TECRL: variants seen among roughly 807,000 people sequenced by gnomAD.
TECRL encodes the protein trans-2,3-enoyl-CoA reductase like, also known as trans-2,3-enoyl-CoA reductase-like.
TECRL carries 63 observed loss-of-function variants against 52.8 expected under a neutral mutation model. The observed-to-expected ratio is 1.19, with a 90% confidence interval of 0.97 to 1.47. The LOEUF (loss-of-function observed/expected upper bound fraction) is 1.47. Ranked by LOEUF, TECRL falls within the 40% of genes most tolerant of loss-of-function variation. The pLI is 0.00. For missense variants in TECRL, 482 were observed against 429.6 expected, an observed-to-expected ratio of 1.12 and a Z score of -1.08; for synonymous variants, 164 against 141.9, an observed-to-expected ratio of 1.16 and a Z score of -1.10.
intron 2 of TECRL, among the ~76,000 whole-genome samples, chr4:64,332,570 A>G (rs1018470364): frequency 6.6e-6 from 1 of 152,224 alleles, no homozygotes; most frequent in African/African-American, 2.4e-5. Flanking sequence ...GGTATTATAG[A>G]GATTCACCAA....
intron 1 of TECRL, among the ~76,000 whole-genome samples, chr4:64,391,576 CTCA>C (rs1028509549): frequency 3.3e-5 from 5 of 151,774 alleles, no homozygotes; most frequent in African/African-American, 1.2e-4. Flanking sequence ...TCTAAGAAAT[CTCA>C]TCATTCTTTT....
intron 2 of TECRL, among the ~76,000 whole-genome samples, chr4:64,344,613 AGTGTAATTTAAAATTAAG>A (rs979699870): frequency 1.3e-5 from 2 of 152,198 alleles, no homozygotes; most frequent in Non-Finnish European, 2.9e-5. Flanking sequence ...TTTAAAACAA[AGTGTAATTTAAAATTAAG>A]GTGTAATTTA....
intron 6 of TECRL, among the ~76,000 whole-genome samples, chr4:64,309,230 T>G (rs1338133153): frequency 6.6e-6 from 1 of 152,196 alleles, no homozygotes; most frequent in African/African-American, 2.4e-5. Context: ...CAGGACACTT[T>G]TTTTACAGAC....
chr4:64,355,726 C>T (rs1239607301), intron 2 of TECRL, among the ~76,000 whole-genome samples: 4 of 147,656 alleles, frequency 2.7e-5, no homozygotes, highest in Non-Finnish European at 4.5e-5. Flanking sequence ...AGCTGGGAGG[C>T]GGAGCTTGCA....
intron 4 of TECRL, among the ~76,000 whole-genome samples, chr4:64,320,603 GTGT>G (rs935555025): frequency 2.0e-5 from 3 of 151,974 alleles, no homozygotes; most frequent in African/African-American, 7.2e-5. Context: ...CCACTATAGT[GTGT>G]TTTCTTCTCA....
chr4:64,325,478 T>C (rs1334408425), intron 3 of TECRL, among the ~76,000 whole-genome samples: 3 of 152,168 alleles, frequency 2.0e-5, no homozygotes, highest in South Asian at 2.1e-4. Flanking sequence ...TCCAGTCTTA[T>C]ACAATCCTAA....
chr4:64,335,378 C>A (rs1025843293), intron 2 of TECRL, among the ~76,000 whole-genome samples: 6 of 152,204 alleles, frequency 3.9e-5, no homozygotes, highest in Admixed American at 1.3e-4. Flanking sequence ...TATCTCCTAT[C>A]ACCCCAAGAG....
At position 64,345,921 on chromosome 4, in the gene TECRL, A is replaced by C. The variant is rs972106781; in HGVS notation, c.287-17365T>G. Among the ~76,000 whole-genome samples the C allele has an allele frequency of 4.8e-5, 7 of 145,242 alleles. 1 individual carries two copies. Among genetic ancestry groups the C allele is most frequent in the African/African-American group, 1.8e-4 (7 of 39,466 alleles). ...TGCCTCAACAGCAAAAAAAAAAAAA[A>C]AAAAAAAAAACATTTATCATATCCC... On this transcript the variant is annotated intron_variant, in intron 2 of 11. Transcript: ENST00000381210.
intron 1 of TECRL, among the ~76,000 whole-genome samples, chr4:64,391,285 T>C (rs1723529145): frequency 6.6e-6 from 1 of 151,860 alleles, no homozygotes; most frequent in African/African-American, 2.4e-5. Flanking sequence ...GTCAAGGAAG[T>C]TGATCTCACT....
In TECRL at chr4:64,300,957, C is replaced by T. The variant is rs562788926; in HGVS notation, c.731-940G>A. Among the ~76,000 whole-genome samples the T allele has an allele frequency of 4.6e-5, 7 of 150,806 alleles. No homozygotes were observed. In the East Asian group the frequency reaches 5.8e-4, roughly 13 times the overall value. On this transcript the variant is annotated intron_variant, in intron 7 of 11. Transcript: ENST00000381210. ...AATAATACTGCTTTGAACATCTTTA[C>T]GTATAAATCTTTTACTAAATTTTGT...
rs1196275780 is a variant in TECRL at position 64,372,215 on chromosome 4, G to A, written c.286+2957C>T. On this transcript the variant is annotated intron_variant, in intron 2 of 11. Coordinates refer to ENST00000381210, the MANE Select transcript of TECRL (RefSeq NM_001010874.5). Reference sequence around the variant, plus strand: ...GCAAACAAGAACAATAATTACAAGTGTTAAGAAACAAATAGATCAAGATAA... The same window carrying A: ...GCAAACAAGAACAATAATTACAAGTATTAAGAAACAAATAGATCAAGATAA... Among the ~76,000 whole-genome samples, 3 of 151,750 alleles carry A rather than the reference G, an allele frequency of 2.0e-5. No individual in the cohort carries two copies. In the Admixed American group the frequency reaches 2.0e-4, roughly 10 times the overall value.
At chr4:64,373,270 CTATT>C (rs918690129) in intron 2 of TECRL, among the ~76,000 whole-genome samples, 21 of 150,708 alleles carry the variant, frequency 1.4e-4, no homozygotes, top group East Asian at 3.9e-4. Flanking sequence ...AAAAAAGTCA[CTATT>C]TAAGTAAAGC....
chr4:64,367,256 G>A lies in TECRL; in HGVS notation c.286+7916C>T, dbSNP rs977800466. ...CTTGAGGGTGGAGGTTTGAAGGAGG[G>A]TGAGGGTCAGAAAACTACCTATTCG... On this transcript the variant is annotated intron_variant, in intron 2 of 11. Transcript: ENST00000381210. 4.1e-5 allele frequency among the ~76,000 whole-genome samples: 6 copies of A among 146,138 alleles called. No individual in the cohort carries two copies. In the South Asian group the frequency reaches 1.3e-3, roughly 32 times the overall value.
chr4:64,392,376 C>T (rs1723605844), intron 1 of TECRL, among the ~76,000 whole-genome samples: 1 of 151,858 alleles, frequency 6.6e-6, no homozygotes, highest in South Asian at 2.1e-4. Context: ...AGTCCAATCT[C>T]CTTTACATTT....
chr4:64,332,301 C>T (rs1421113590), intron 2 of TECRL, among the ~76,000 whole-genome samples: 7 of 152,118 alleles, frequency 4.6e-5, no homozygotes, highest in Non-Finnish European at 1.0e-4. Context: ...AATCAGAAAT[C>T]AATCAATTCT....
intron 4 of TECRL, among the ~76,000 whole-genome samples, chr4:64,322,280 G>A (rs1352213089): frequency 6.6e-6 from 1 of 151,958 alleles, no homozygotes; most frequent in African/African-American, 2.4e-5. Flanking sequence ...GCAGATGGAT[G>A]TGAGACTGAG....
chr4:64,295,902 A>C (rs1478831012), intron 8 of TECRL, among the ~76,000 whole-genome samples: 1 of 151,960 alleles, frequency 6.6e-6, no homozygotes, highest in African/African-American at 2.4e-5. Context: ...ATTTTTAATA[A>C]GTAGTGATCC....
chr4:64,386,328 A>C (rs1723175937), intron 1 of TECRL, among the ~76,000 whole-genome samples: 1 of 152,188 alleles, frequency 6.6e-6, no homozygotes, highest in South Asian at 2.1e-4. Context: ...ACTGTTCATT[A>C]AGTGGAAATG....
chr4:64,280,839 G>T (rs1270575990), intron 11 of TECRL, among the ~76,000 whole-genome samples: 1 of 152,000 alleles, frequency 6.6e-6, no homozygotes, highest in Non-Finnish European at 1.5e-5. Context: ...TCCCTGGCTT[G>T]GATTAAGCAA....
Sources: gnomAD v4.1 joint callset for allele counts (sites outside exome capture counted in the v4.1 genomes callset) on GRCh38, gnomAD v4.1.1 for gene constraint, MANE v1.5 for transcripts, NCBI Gene and HGNC (gene_info 2026-07-23, HGNC 2026-07-21) for gene names.